Variants in JPH3 observed in about 807,000 individuals in gnomAD.
JPH3 encodes junctophilin 3.
In JPH3, 11 loss-of-function variants were observed where a neutral mutation model predicts 59.6. The ratio of observed to expected loss-of-function variants is 0.18; its 90% CI spans 0.12 to 0.31. The LOEUF is 0.31. Ranked by LOEUF, JPH3 falls within the 10% of genes least tolerant of loss-of-function variation. The pLI, the probability that JPH3 is intolerant of heterozygous loss-of-function variation, is 1.00. For synonymous variants in JPH3, 673 were observed against 483.6 expected (o/e 1.39, Z -5.14); for missense variants, 1,202 against 1,105.7 (o/e 1.09, Z -1.24).
chr16:87,659,527 G>T (rs1320188161), intron 2 of JPH3, among the ~76,000 whole-genome samples: 1 of 152,002 alleles, frequency 6.6e-6, no homozygotes, highest in Non-Finnish European at 1.5e-5. Flanking sequence ...TTCTGGACCA[G>T]TCTGGGCCAA....
At chr16:87,678,596 A>T (rs756654863) in intron 2 of JPH3, among the ~76,000 whole-genome samples, 3 of 151,996 alleles carry the variant, frequency 2.0e-5, no homozygotes, top group Non-Finnish European at 4.4e-5. Flanking sequence ...TCACATACTC[A>T]CACTCTCTGT....
intron 2 of JPH3, among the ~76,000 whole-genome samples, chr16:87,673,921 G>C (rs189529943): frequency 6.6e-6 from 1 of 151,420 alleles, no homozygotes; most frequent in East Asian, 1.9e-4. Flanking sequence ...GCGAGACTCT[G>C]TCTCAAAAAA....
chr16:87,672,398 G>A (rs1025903962), intron 2 of JPH3, among the ~76,000 whole-genome samples: 18 of 152,332 alleles, frequency 1.2e-4, no homozygotes, highest in Non-Finnish European at 2.2e-4. Context: ...CACCCCAGCC[G>A]CGCCCTTGGC....
In JPH3 at chr16:87,652,951, G is replaced by A. The variant is rs558019024; in HGVS notation, c.1160+7916G>A. Reference sequence around the variant, plus strand: ...GCGTTGAGAATCTTGTCACCAGGCAGGCTCTTCTGTCGGCTCAGGACTGTC... The same window carrying A: ...GCGTTGAGAATCTTGTCACCAGGCAAGCTCTTCTGTCGGCTCAGGACTGTC... On this transcript the variant is annotated intron_variant, in intron 2 of 4. Coordinates refer to ENST00000284262, the MANE Select transcript of JPH3 (RefSeq NM_020655.4). 1.4e-4 allele frequency among the ~76,000 whole-genome samples: 22 copies of A among 152,350 alleles called. No homozygotes were observed. The South Asian group carries it at 4.6e-3, about 32-fold the overall frequency.
At chr16:87,668,469 C>G (rs1420460487) in intron 2 of JPH3, among the ~76,000 whole-genome samples, 1 of 152,196 alleles carries the variant, frequency 6.6e-6, no homozygotes, top group Non-Finnish European at 1.5e-5. Context: ...TCATGCCTCC[C>G]TGTTAAGGAG....
rs148771519 is a variant in JPH3, at chr16:87,653,323, C to T, written c.1160+8288C>T. ...GGTCTGTGAGCTGTGCCTTGGGGCC[C>T]CTGCCTGTCCCCGCTCTGCTCTCTG... is the stretch of plus-strand genomic sequence containing the variant. On this transcript the variant is annotated intron_variant, in intron 2 of 4. Coordinates refer to ENST00000284262, the MANE Select transcript of JPH3 (RefSeq NM_020655.4). Among the ~76,000 whole-genome samples the T allele has an allele frequency of 3.3e-3, 500 of 152,304 alleles. 2 individuals carry two copies. The highest frequency in any genetic ancestry group is 0.012 in the African/African-American group (479 of 41,550).
At chr16:87,652,502 C>T (rs879006853) in intron 2 of JPH3, among the ~76,000 whole-genome samples, 2 of 152,342 alleles carry the variant, frequency 1.3e-5, no homozygotes, top group Middle Eastern at 3.4e-3. Flanking sequence ...CTTACTCTGC[C>T]GTCCAGGCCG....
At chr16:87,628,732 G>C (rs78287145) in intron 1 of JPH3, among the ~76,000 whole-genome samples, 2,549 of 152,250 alleles carry the variant, frequency 0.017, 90 homozygotes, top group East Asian at 0.14. Flanking sequence ...CGGATGTGTG[G>C]TGAGTGGCCT....
intron 1 of JPH3, among the ~76,000 whole-genome samples, chr16:87,606,246 A>G (rs1597230862): frequency 6.6e-6 from 1 of 152,244 alleles, no homozygotes; most frequent in Admixed American, 6.5e-5. Flanking sequence ...AAGTGGGGGA[A>G]TATTGGGCAG....
At chr16:87,648,442 A>G (rs1275094931) in intron 2 of JPH3, among the ~76,000 whole-genome samples, 2 of 152,006 alleles carry the variant, frequency 1.3e-5, no homozygotes, top group African/African-American at 4.8e-5. Context: ...AGGGAGTTGT[A>G]GGGCAGCTGG....
intron 1 of JPH3, among the ~76,000 whole-genome samples, chr16:87,625,555 A>T (rs1208994004): frequency 6.6e-6 from 1 of 152,184 alleles, no homozygotes. Flanking sequence ...CCAAGGTCCC[A>T]AGAAGGAAGT....
At chr16:87,628,959 A>T (rs2031473280) in intron 1 of JPH3, among the ~76,000 whole-genome samples, 2 of 152,114 alleles carry the variant, frequency 1.3e-5, no homozygotes, top group African/African-American at 4.8e-5. Context: ...TCCACAAATC[A>T]GCCAGAGTTA....
intron 3 of JPH3, among the ~76,000 whole-genome samples, chr16:87,686,027 G>A (rs980183048): frequency 3.9e-5 from 6 of 152,192 alleles, no homozygotes; most frequent in East Asian, 1.9e-4. Context: ...AGACAGGGGC[G>A]GATGGAGTGA....
chr16:87,681,292 G>C (rs1216795423), intron 2 of JPH3, among the ~76,000 whole-genome samples: 1 of 149,274 alleles, frequency 6.7e-6, no homozygotes. Context: ...CAGAAGGTCA[G>C]GTGCGCACGG....
chr16:87,610,310 C>G (rs1278938470), intron 1 of JPH3, among the ~76,000 whole-genome samples: 1 of 152,200 alleles, frequency 6.6e-6, no homozygotes, highest in Non-Finnish European at 1.5e-5. Context: ...TCAACAGCCA[C>G]CTGGGACTAG....
Position 87,623,637 on chromosome 16 carries a change from C to T in JPH3, c.382+20109C>T, listed in dbSNP as rs575966460. ...CTTGGGAGCTGCAGACCCCGAGTTC[C>T]GGACCCCCTCACCTCACTCTCCTCC... is the stretch of plus-strand genomic sequence containing the variant. On this transcript the variant is annotated intron_variant, in intron 1 of 4. Coordinates refer to ENST00000284262, the MANE Select transcript of JPH3 (RefSeq NM_020655.4). 3.1e-4 allele frequency among the ~76,000 whole-genome samples: 47 copies of T among 152,334 alleles called. No individual in the cohort carries two copies. The South Asian group carries it at 4.1e-3, about 13-fold the overall frequency.
intron 2 of JPH3, among the ~76,000 whole-genome samples, chr16:87,648,286 G>C (rs1233158136): frequency 1.3e-5 from 2 of 152,148 alleles, no homozygotes; most frequent in East Asian, 3.9e-4. Flanking sequence ...TGCCGCCCTG[G>C]AGAGTGAAGC....
intron 1 of JPH3, among the ~76,000 whole-genome samples, chr16:87,629,912 G>A (rs1396162709): frequency 2.6e-5 from 4 of 152,134 alleles, no homozygotes; most frequent in African/African-American, 9.7e-5. Flanking sequence ...GGGGCGAGGG[G>A]ATACAGTATA....
intron 1 of JPH3, among the ~76,000 whole-genome samples, chr16:87,638,358 G>A (rs566580067): frequency 6.6e-6 from 1 of 152,190 alleles, no homozygotes; most frequent in Non-Finnish European, 1.5e-5. Context: ...GAACAGACAC[G>A]TTCACTGGAC....
Sources: gnomAD v4.1 joint callset for allele counts (sites outside exome capture counted in the v4.1 genomes callset) on GRCh38, gnomAD v4.1.1 for gene constraint, MANE v1.5 for transcripts, NCBI Gene and HGNC (gene_info 2026-07-23, HGNC 2026-07-21) for gene names.